The following KCNAB1 variants were observed in gnomAD, a reference collection of about 807,000 sequenced individuals.
KCNAB1 encodes voltage-gated potassium channel subunit beta-1.
Under a neutral mutation model 64.6 loss-of-function variants are expected in KCNAB1, and 35 were observed. That is an observed-to-expected ratio of 0.54 (90% confidence interval 0.41 to 0.72). The LOEUF (loss-of-function observed/expected upper bound fraction) is 0.72. Among genes scored for constraint, KCNAB1 ranks in the 30% least tolerant of loss-of-function variants. The pLI, the probability that KCNAB1 is intolerant of heterozygous loss-of-function variation, is 0.00. For synonymous variants in KCNAB1, 177 were observed against 183.8 expected (o/e 0.96, Z 0.30); for missense variants, 401 against 512.9 (o/e 0.78, Z 2.11).
intron 1 of KCNAB1, among the ~76,000 whole-genome samples, chr3:156,393,400 CCTT>C (rs978694537): frequency 3.3e-4 from 51 of 152,344 alleles, no homozygotes; most frequent in African/African-American, 1.2e-3. Context: ...AGGATGCCCT[CCTT>C]CTCCCCCAGT....
At chr3:156,490,540 G>T (rs1715556388) in intron 8 of KCNAB1, among the ~76,000 whole-genome samples, 1 of 151,984 alleles carries the variant, frequency 6.6e-6, no homozygotes, top group South Asian at 2.1e-4. Context: ...ATGGAAAAGA[G>T]CAAGAACAAC....
At chr3:156,525,653 T>C (rs1418818501) in intron 12 of KCNAB1, among the ~76,000 whole-genome samples, 1 of 152,084 alleles carries the variant, frequency 6.6e-6, no homozygotes, top group Non-Finnish European at 1.5e-5. Flanking sequence ...GTAGCTGGGA[T>C]TACAGGTGTG....
intron 1 of KCNAB1, among the ~76,000 whole-genome samples, chr3:156,312,731 A>AAAAAAAAAC (rs1722007557): frequency 6.9e-5 from 10 of 144,522 alleles, no homozygotes; most frequent in African/African-American, 2.2e-4. Context: ...AAAAAAAAAA[A>AAAAAAAAAC]CTCATAATAA....
upstream of KCNAB1, among the ~76,000 whole-genome samples, chr3:156,118,639 A>T (rs1344176795): frequency 6.6e-6 from 1 of 152,226 alleles, no homozygotes; most frequent in Non-Finnish European, 1.5e-5. Flanking sequence ...CTGGTACGTG[A>T]TGGAGTTAGG....
At chr3:156,287,089 A>G (rs115375152) in intron 1 of KCNAB1, among the ~76,000 whole-genome samples, 271 of 152,090 alleles carry the variant, frequency 1.8e-3, no homozygotes, top group African/African-American at 6.3e-3. Context: ...TTCACACCCA[A>G]CTCCAACTGA....
intron 1 of KCNAB1, among the ~76,000 whole-genome samples, chr3:156,183,829 G>A (rs1713021345): frequency 6.6e-6 from 1 of 152,180 alleles, no homozygotes; most frequent in Non-Finnish European, 1.5e-5. Flanking sequence ...TATGAGAGTG[G>A]CATGAGAAAA....
chr3:156,332,298 T>C (rs1445199023), intron 1 of KCNAB1, among the ~76,000 whole-genome samples: 2 of 152,138 alleles, frequency 1.3e-5, no homozygotes, highest in Admixed American at 1.3e-4. Flanking sequence ...ATGCCCAGAT[T>C]TTCTTGCTTT....
intron 1 of KCNAB1, among the ~76,000 whole-genome samples, chr3:156,403,911 G>C (rs1477769651): frequency 6.8e-6 from 1 of 146,048 alleles, no homozygotes; most frequent in African/African-American, 2.6e-5. Flanking sequence ...AAAAACAAAG[G>C]GAGGTGGTCC....
intron 1 of KCNAB1, among the ~76,000 whole-genome samples, chr3:156,221,174 T>G (rs926811981): frequency 4.6e-5 from 7 of 152,206 alleles, no homozygotes; most frequent in Admixed American, 3.9e-4. Flanking sequence ...TTGTTCTTTT[T>G]GCTTAGGATT....
chr3:156,193,289 A>C (rs1214546433), intron 1 of KCNAB1, among the ~76,000 whole-genome samples: 2 of 152,174 alleles, frequency 1.3e-5, no homozygotes, highest in Non-Finnish European at 2.9e-5. Context: ...CCATACTTTG[A>C]GTACCCACCA....
chr3:156,527,269 CT>C (rs1718378470), intron 12 of KCNAB1, among the ~76,000 whole-genome samples: 1 of 152,170 alleles, frequency 6.6e-6, no homozygotes, highest in African/African-American at 2.4e-5. Context: ...ATTTTCTCAT[CT>C]GTAAAATGGG....
In KCNAB1 at chr3:156,175,222, T is replaced by G. The variant is rs191403772; in HGVS notation, c.275+54336T>G. 1.2e-3 allele frequency among the ~76,000 whole-genome samples: 184 copies of G among 152,038 alleles called. 2 individuals carry two copies. Among genetic ancestry groups the G allele is most frequent in the Admixed American group, 2.8e-3 (43 of 15,276 alleles). ...CTTAGAGAAATACAGAAAGAAAATA[T>G]CCTACAAGCCAGTTACTAAATAAAA... On this transcript the variant is annotated intron_variant, in intron 1 of 13. Coordinates refer to ENST00000490337, the MANE Select transcript of KCNAB1 (RefSeq NM_172160.3).
intron 1 of KCNAB1, among the ~76,000 whole-genome samples, chr3:156,290,180 A>G (rs1219519027): frequency 6.6e-6 from 1 of 152,200 alleles, no homozygotes; most frequent in African/African-American, 2.4e-5. Flanking sequence ...ATATGTCATA[A>G]TATGCCTTCC....
At chr3:156,193,898 A>G (rs1713721943) in intron 1 of KCNAB1, among the ~76,000 whole-genome samples, 1 of 152,190 alleles carries the variant, frequency 6.6e-6, no homozygotes, top group Admixed American at 6.6e-5. Context: ...TTTAACTTAC[A>G]GTGGATTTAT....
intron 1 of KCNAB1, among the ~76,000 whole-genome samples, chr3:156,279,098 C>T (rs1038546215): frequency 2.0e-5 from 3 of 151,088 alleles, no homozygotes; most frequent in Admixed American, 6.6e-5. Flanking sequence ...GTATATCTCC[C>T]GATGCTATCC....
chr3:156,462,701 C>T (rs1018253825), intron 5 of KCNAB1, among the ~76,000 whole-genome samples: 1 of 152,172 alleles, frequency 6.6e-6, no homozygotes. Context: ...AGCCCTGAGG[C>T]GTTGACCCTA....
At chr3:156,414,224 C>G (rs1424582486) in intron 1 of KCNAB1, among the ~76,000 whole-genome samples, 1 of 152,194 alleles carries the variant, frequency 6.6e-6, no homozygotes, top group Non-Finnish European at 1.5e-5. Context: ...AAACTCATCA[C>G]AGTGAAAACT....
chr3:156,268,748 A>G (rs900683729), intron 1 of KCNAB1, among the ~76,000 whole-genome samples: 4 of 152,138 alleles, frequency 2.6e-5, no homozygotes, highest in African/African-American at 9.7e-5. Flanking sequence ...TGAGCTTCTT[A>G]TATATTCTGG....
At chr3:156,404,559 A>C (rs551714656) in intron 1 of KCNAB1, among the ~76,000 whole-genome samples, 9 of 152,230 alleles carry the variant, frequency 5.9e-5, no homozygotes, top group Non-Finnish European at 1.3e-4. Flanking sequence ...ACCTTTTCAC[A>C]TGCTTTATCT....
Sources: gnomAD v4.1 joint callset for allele counts (sites outside exome capture counted in the v4.1 genomes callset) on GRCh38, gnomAD v4.1.1 for gene constraint, MANE v1.5 for transcripts, NCBI Gene and HGNC (gene_info 2026-07-23, HGNC 2026-07-21) for gene names.